Variants in AGMO observed in about 807,000 individuals in gnomAD.
AGMO encodes glyceryl-ether monooxygenase.
AGMO carries 75 observed loss-of-function variants against 60.2 expected under a neutral mutation model. The ratio of observed to expected loss-of-function variants is 1.25; its 90% CI spans 1.03 to 1.51. The LOEUF is 1.51. AGMO is among the 40% of genes most tolerant of loss of function. The pLI is 0.00. For missense variants in AGMO, 763 were observed against 525.5 expected, an observed-to-expected ratio of 1.45 and a Z score of -4.42; for synonymous variants, 261 against 177.1, an observed-to-expected ratio of 1.47 and a Z score of -3.76.
At chr7:15,376,474 G>T (rs1416778128) in intron 10 of AGMO, among the ~76,000 whole-genome samples, 1 of 151,980 alleles carries the variant, frequency 6.6e-6, no homozygotes, top group African/African-American at 2.4e-5. Context: ...ACAGAGTATG[G>T]CATTCAGGGG....
intron 12 of AGMO, among the ~76,000 whole-genome samples, chr7:15,328,558 G>T (rs1371799113): frequency 6.6e-6 from 1 of 152,150 alleles, no homozygotes; most frequent in African/African-American, 2.4e-5. Context: ...ATCTGTTGCT[G>T]AAGAATCTAA....
the AGMO span, among the ~76,000 whole-genome samples, chr7:15,164,826 C>T: frequency 6.6e-6 from 1 of 152,054 alleles, no homozygotes; most frequent in Non-Finnish European, 1.5e-5. Flanking sequence ...CTATGGAAAG[C>T]AGTATGTAAA....
At chr7:15,238,504 G>T (rs2128501981) in intron 12 of AGMO, among the ~76,000 whole-genome samples, 1 of 151,356 alleles carries the variant, frequency 6.6e-6, no homozygotes, top group South Asian at 2.1e-4. Context: ...TTATACACAG[G>T]TATCAAAATA....
intron 12 of AGMO, among the ~76,000 whole-genome samples, chr7:15,300,304 A>C (rs1305942696): frequency 6.6e-6 from 1 of 152,178 alleles, no homozygotes; most frequent in African/African-American, 2.4e-5. Context: ...AAAACTGGTT[A>C]GTGTCTTTCA....
At chr7:15,298,779 G>A (rs116037771) in intron 12 of AGMO, among the ~76,000 whole-genome samples, 3,382 of 152,200 alleles carry the variant, frequency 0.022, 124 homozygotes, top group African/African-American at 0.078. Context: ...CAATCTAATA[G>A]AGAAACAATG....
the AGMO span, among the ~76,000 whole-genome samples, chr7:15,165,133 T>G: frequency 6.6e-6 from 1 of 152,058 alleles, no homozygotes; most frequent in African/African-American, 2.4e-5. Context: ...TAATTCAAGA[T>G]ATAGACAAAT....
At chr7:15,512,521 G>A (rs1783701926) in intron 3 of AGMO, among the ~76,000 whole-genome samples, 1 of 152,152 alleles carries the variant, frequency 6.6e-6, no homozygotes, top group Non-Finnish European at 1.5e-5. Flanking sequence ...CCAAAGTGCT[G>A]AGATTACAGG....
downstream of AGMO, among the ~76,000 whole-genome samples, chr7:15,196,787 G>T (rs116734184): frequency 6.6e-6 from 1 of 152,168 alleles, no homozygotes; most frequent in Non-Finnish European, 1.5e-5. Flanking sequence ...AATGAAGAAA[G>T]AACATGCCCA....
At chr7:15,285,372 A>C (rs369694981) in intron 12 of AGMO, among the ~76,000 whole-genome samples, 2 of 152,076 alleles carry the variant, frequency 1.3e-5, no homozygotes, top group East Asian at 3.8e-4. Flanking sequence ...TAAATTCAGT[A>C]AACTCTCAGG....
intron 3 of AGMO, among the ~76,000 whole-genome samples, chr7:15,478,967 G>A (rs1247633236): frequency 1.3e-5 from 2 of 152,036 alleles, no homozygotes; most frequent in East Asian, 3.9e-4. Context: ...ATCTTGTATA[G>A]TAACTTTATA....
At chr7:15,517,526 C>G (rs575537896) in intron 3 of AGMO, among the ~76,000 whole-genome samples, 6 of 151,472 alleles carry the variant, frequency 4.0e-5, no homozygotes, top group Non-Finnish European at 5.9e-5. Context: ...CAAGCAGAAG[C>G]AGGGTGGGGC....
chr7:15,432,827 A>G (rs1228626143), intron 3 of AGMO, among the ~76,000 whole-genome samples: 1 of 151,946 alleles, frequency 6.6e-6, no homozygotes, highest in Non-Finnish European at 1.5e-5. Flanking sequence ...GAACCAAATT[A>G]TCTGGTTTAT....
At chr7:15,341,879 G>A (rs549483157) in intron 12 of AGMO, among the ~76,000 whole-genome samples, 22 of 151,968 alleles carry the variant, frequency 1.4e-4, no homozygotes, top group African/African-American at 4.8e-4. Flanking sequence ...ATCAGATCTC[G>A]TGAGACATAT....
intron 12 of AGMO, among the ~76,000 whole-genome samples, chr7:15,248,222 A>ATATATATATATCTATATCTATATCTATC (rs1554401294): frequency 9.6e-6 from 1 of 104,210 alleles, no homozygotes; most frequent in African/African-American, 3.6e-5. Context: ...ATATATATAT[A>ATATATATATATCTATATCTATATCTATC]TATCTTCATC....
chr7:15,541,176 G>A (rs957312395), intron 3 of AGMO, among the ~76,000 whole-genome samples: 1 of 152,134 alleles, frequency 6.6e-6, no homozygotes, highest in Non-Finnish European at 1.5e-5. Context: ...AGGCTGGAGT[G>A]CAGTGGAACG....
intron 3 of AGMO, among the ~76,000 whole-genome samples, chr7:15,491,009 G>C (rs928382740): frequency 3.3e-5 from 5 of 152,116 alleles, no homozygotes; most frequent in Non-Finnish European, 7.4e-5. Context: ...CCAAGTAGAG[G>C]AATAAAGGAA....
chr7:15,376,149 T>G lies in AGMO; in HGVS notation c.1074+9297A>C, dbSNP rs528579903. 2.0e-5 allele frequency among the ~76,000 whole-genome samples: 3 copies of G among 152,238 alleles called. No homozygotes were observed. The South Asian group carries it at 6.2e-4, about 32-fold the overall frequency. On this transcript the variant is annotated intron_variant, in intron 10 of 12. Transcript: ENST00000342526. Reference sequence around the variant, plus strand: ...AAATCCATTACATTCATTTCATGCCTTTGTATTATAATTGATGCTCATTTT... The same window carrying G: ...AAATCCATTACATTCATTTCATGCCGTTGTATTATAATTGATGCTCATTTT...
chr7:15,216,124 G>A (rs150175849), intron 12 of AGMO, among the ~76,000 whole-genome samples: 23 of 152,094 alleles, frequency 1.5e-4, no homozygotes, highest in African/African-American at 4.8e-4. Flanking sequence ...ATGTTCCTGG[G>A]TTTTCAACAT....
intron 3 of AGMO, among the ~76,000 whole-genome samples, chr7:15,529,640 ATATATACT>A (rs1784235864): frequency 1.7e-5 from 1 of 57,364 alleles, no homozygotes; most frequent in African/African-American, 7.0e-5. Context: ...TAGAATATAT[ATATATACT>A]ATATATTCTA....
Sources: allele counts gnomAD v4.1 joint callset (sites outside exome capture counted in the v4.1 genomes callset), GRCh38; gene constraint gnomAD v4.1.1; transcripts MANE v1.5; gene names NCBI Gene and HGNC (gene_info 2026-07-23, HGNC 2026-07-21).